Variants in XKR6 observed in about 807,000 individuals in gnomAD.
The protein encoded by XKR6 is XK related 6, also known as XK-related protein 6.
Under a neutral mutation model 56.7 loss-of-function variants are expected in XKR6, and 22 were observed. The ratio of observed to expected loss-of-function variants is 0.39; its 90% CI spans 0.28 to 0.55. The LOEUF (loss-of-function observed/expected upper bound fraction) is 0.55, where lower values mean the gene tolerates loss of function less well. XKR6 is among the 20% of genes least tolerant of loss of function. The pLI, the probability that XKR6 is intolerant of heterozygous loss-of-function variation, is 0.66. For missense variants in XKR6, 852 were observed against 889.0 expected, an observed-to-expected ratio of 0.96 and a Z score of 0.53; for synonymous variants, 524 against 387.8, an observed-to-expected ratio of 1.35 and a Z score of -4.13.
chr8:11,174,146 C>T (rs1802532495), intron 1 of XKR6, among the ~76,000 whole-genome samples: 1 of 152,232 alleles, frequency 6.6e-6, no homozygotes. Flanking sequence ...GGCTAAGGCT[C>T]TGACAAAACA....
chr8:10,952,382 G>A lies in XKR6; in HGVS notation c.765-27552C>T, dbSNP rs146099283. ...CAACAAACACTAATACAGTCAGTAC[G>A]TCAGAACCTCTCATATCTTTAGCAT... On this transcript the variant is annotated intron_variant, in intron 1 of 2. Transcript: ENST00000416569. Among the ~76,000 whole-genome samples the A allele has an allele frequency of 6.2e-4, 94 of 152,328 alleles. 1 individual carries two copies. The South Asian group carries it at 0.011, about 18-fold the overall frequency.
At chr8:11,069,331 C>T (rs1397498257) in intron 1 of XKR6, among the ~76,000 whole-genome samples, 1 of 152,162 alleles carries the variant, frequency 6.6e-6, no homozygotes, top group African/African-American at 2.4e-5. Context: ...GAAGCAGAAG[C>T]AGCCCCCCTG....
intron 1 of XKR6, among the ~76,000 whole-genome samples, chr8:11,142,892 T>C (rs1415966969): frequency 6.6e-6 from 1 of 152,208 alleles, no homozygotes; most frequent in Admixed American, 6.5e-5. Context: ...CTGAAAGCTC[T>C]GAGATCACAA....
rs1483072284 is a variant in XKR6, at chr8:10,924,810, A to T, written c.785T>A (p.Leu262Gln). Reference protein sequence around the residue: ...QVWRYIRTMYLGIQSQRRKEH... With the variant: ...QVWRYIRTMYQGIQSQRRKEH... Reference sequence around the variant, plus strand: ...CTTCCGCCGCTGGCTCTGAATCCCCAGGTACATGGTGCGGATATACCTGCC... The same window carrying T: ...CTTCCGCCGCTGGCTCTGAATCCCCTGGTACATGGTGCGGATATACCTGCC... Residue 262 changes from leucine (L) to glutamine (Q), a missense_variant, in exon 2 of 3, where the codon CTG becomes CAG. Leu to Gln is a moderately radical substitution (Grantham distance 113, BLOSUM62 -2). This residue lies in a region of XKR6 where 199 missense variants were observed against 280.4 expected (regional missense o/e 0.71). Coordinates refer to ENST00000416569, the MANE Select transcript of XKR6 (RefSeq NM_173683.4). 1 of 1,613,748 alleles carries T rather than the reference A, an allele frequency of 6.2e-7. No individual in the cohort carries two copies. Among genetic ancestry groups the T allele is most frequent in the Non-Finnish European group, 8.5e-7 (1 of 1,179,934 alleles).
At position 10,961,002 on chromosome 8, in the gene XKR6, C is replaced by T. The variant is rs75202384; in HGVS notation, c.765-36172G>A. On this transcript the variant is annotated intron_variant, in intron 1 of 2. Transcript: ENST00000416569. Reference sequence around the variant, plus strand: ...GGGCCAGGAGCATTTGTCCTGAACACTGAGTGAGGAGGAACCAGCCAGGCA... The same window carrying T: ...GGGCCAGGAGCATTTGTCCTGAACATTGAGTGAGGAGGAACCAGCCAGGCA... Among the ~76,000 whole-genome samples, 393 of 152,204 alleles carry T rather than the reference C, an allele frequency of 2.6e-3. 2 individuals are homozygous for T. The highest frequency in any genetic ancestry group is 9.2e-3 in the African/African-American group (380 of 41,514).
At chr8:11,092,053 C>G (rs1044225133) in intron 1 of XKR6, among the ~76,000 whole-genome samples, 5 of 152,186 alleles carry the variant, frequency 3.3e-5, no homozygotes, top group Non-Finnish European at 5.9e-5. Flanking sequence ...AGGTACAACT[C>G]CATTCTGCAG....
chr8:11,110,708 G>C (rs567807302), intron 1 of XKR6, among the ~76,000 whole-genome samples: 1 of 152,180 alleles, frequency 6.6e-6, no homozygotes, highest in Non-Finnish European at 1.5e-5. Context: ...ATAGCCGCTC[G>C]AGGACTTTCT....
intron 1 of XKR6, among the ~76,000 whole-genome samples, chr8:11,089,775 T>C (rs1160622812): frequency 6.6e-6 from 1 of 152,250 alleles, no homozygotes; most frequent in Admixed American, 6.5e-5. Flanking sequence ...AATTACTTAA[T>C]GTGCAGTAAA....
chr8:11,161,679 C>G (rs1801821014), intron 1 of XKR6, among the ~76,000 whole-genome samples: 1 of 152,198 alleles, frequency 6.6e-6, no homozygotes, highest in Non-Finnish European at 1.5e-5. Flanking sequence ...ATGTTGGGAG[C>G]ATTTTAAGTC....
intron 1 of XKR6, among the ~76,000 whole-genome samples, chr8:11,026,171 G>C (rs1306891618): frequency 6.6e-6 from 1 of 151,898 alleles, no homozygotes; most frequent in African/African-American, 2.4e-5. Flanking sequence ...ACACCTAGAT[G>C]GTCTAGCCTA....
intron 1 of XKR6, among the ~76,000 whole-genome samples, chr8:11,016,305 G>C (rs1798620763): frequency 6.6e-6 from 1 of 152,138 alleles, no homozygotes; most frequent in Non-Finnish European, 1.5e-5. Context: ...TCTGGGCTCC[G>C]CGCCGCGAGG....
intron 1 of XKR6, among the ~76,000 whole-genome samples, chr8:11,191,561 G>A (rs1260793727): frequency 6.6e-6 from 1 of 152,140 alleles, no homozygotes; most frequent in African/African-American, 2.4e-5. Context: ...GTGCCTGAAT[G>A]TAATTCAGCC....
intron 1 of XKR6, among the ~76,000 whole-genome samples, chr8:11,165,017 G>C (rs193142730): frequency 1.5e-3 from 220 of 149,580 alleles, no homozygotes; most frequent in African/African-American, 5.3e-3. Flanking sequence ...GTTAAGATAC[G>C]CCTTGAATCC....
At chr8:11,141,183 T>C (rs1800679065) in intron 1 of XKR6, among the ~76,000 whole-genome samples, 1 of 152,220 alleles carries the variant, frequency 6.6e-6, no homozygotes, top group Non-Finnish European at 1.5e-5. Flanking sequence ...CTGGTAGTAC[T>C]AGTACTGTTA....
chr8:11,160,848 G>T (rs577005188), intron 1 of XKR6, among the ~76,000 whole-genome samples: 7 of 141,276 alleles, frequency 5.0e-5, no homozygotes, highest in African/African-American at 1.9e-4. Flanking sequence ...GGAGGCGGAG[G>T]TTGCAGTGAG....
intron 1 of XKR6, among the ~76,000 whole-genome samples, chr8:11,057,473 G>C (rs1586487028): frequency 6.6e-6 from 1 of 152,208 alleles, no homozygotes; most frequent in Non-Finnish European, 1.5e-5. Context: ...AGTAGTCCCA[G>C]TGTTCTGCCC....
intron 1 of XKR6, among the ~76,000 whole-genome samples, chr8:11,083,454 T>C (rs1030217095): frequency 6.6e-6 from 1 of 152,190 alleles, no homozygotes; most frequent in Non-Finnish European, 1.5e-5. Context: ...CCCTGGGACT[T>C]GACAGGTGGC....
chr8:10,983,041 G>T (rs915458132), intron 1 of XKR6, among the ~76,000 whole-genome samples: 2 of 152,072 alleles, frequency 1.3e-5, no homozygotes, highest in Non-Finnish European at 2.9e-5. Context: ...TCAGATGAAA[G>T]AATATATGAA....
chr8:11,071,010 A>G (rs1265698847), intron 1 of XKR6, among the ~76,000 whole-genome samples: 1 of 152,232 alleles, frequency 6.6e-6, no homozygotes, highest in Non-Finnish European at 1.5e-5. Context: ...CACAGTGGGT[A>G]CGGCTGTGGT....
Sources: gnomAD v4.1 joint callset for allele counts (sites outside exome capture counted in the v4.1 genomes callset) on GRCh38, gnomAD v4.1.1 for gene constraint, gnomAD v4.1.1 regional missense constraint, MANE v1.5 for transcripts, NCBI Gene and HGNC (gene_info 2026-07-23, HGNC 2026-07-21) for gene names.